LYST: variants seen among roughly 807,000 people sequenced by gnomAD.
The protein encoded by LYST is lysosomal-trafficking regulator.
A neutral mutation model predicts 413.6 loss-of-function variants in LYST; 192 were observed. The ratio of observed to expected loss-of-function variants is 0.46; its 90% CI spans 0.41 to 0.52. LYST has a LOEUF of 0.52. Among genes scored for constraint, LYST ranks in the 20% least tolerant of loss-of-function variants. The pLI is 0.00. For missense variants in LYST, 3,815 were observed against 4,499.9 expected (o/e 0.85, Z 4.35); for synonymous variants, 1,525 against 1,567.3 (o/e 0.97, Z 0.64).
At chr1:235,737,066 C>T (rs1025903090) in intron 31 of LYST, 1 of 152,100 alleles carries the variant, frequency 6.6e-6, no homozygotes, top group Non-Finnish European at 1.5e-5. Flanking sequence ...ACCTACCTAT[C>T]TAATTGGTTG....
At chr1:235,835,338 T>C (rs530422237) in intron 1 of LYST, among the ~76,000 whole-genome samples, 3 of 152,328 alleles carry the variant, frequency 2.0e-5, no homozygotes, top group Admixed American at 6.5e-5. Flanking sequence ...CTCTGACTAC[T>C]ACCACCCTCC....
At chr1:235,707,582 C>T (rs1433047330) in intron 44 of LYST, among the ~76,000 whole-genome samples, 1 of 151,978 alleles carries the variant, frequency 6.6e-6, no homozygotes, top group Admixed American at 6.6e-5. Context: ...GAGATCACGC[C>T]ACTGCACTCC....
rs1664660945 is a variant in LYST, at chr1:235,734,616, T to G, written c.8402A>C (p.Asn2801Thr). Residue 2801 changes from asparagine (N) to threonine (T), a missense_variant, in exon 32 of 53, where the codon AAT becomes ACT. Physicochemically the swap from Asn to Thr is moderately conservative, Grantham distance 65 (BLOSUM62 0). This residue lies in a region of LYST where 771 missense variants were observed against 837.1 expected (regional missense o/e 0.92). Transcript: ENST00000389793. ...TTCTTCAGTCAATTCACCTTGGTGA[T>G]TATGTATCAACTCTGACAAATACAA... is the stretch of plus-strand genomic sequence containing the variant. ...LVLYLSELIH[N>T]HQGELTEEEL... is the part of the protein sequence containing the mutation. 1 of 1,612,738 alleles carries G rather than the reference T, an allele frequency of 6.2e-7. No individual in the cohort carries two copies. Among genetic ancestry groups the G allele is most frequent in the African/African-American group, 1.3e-5 (1 of 74,916 alleles).
At chr1:235,867,315 A>G (rs1465462241), upstream of LYST, among the ~76,000 whole-genome samples, 1 of 152,184 alleles carries the variant, frequency 6.6e-6, no homozygotes, top group Non-Finnish European at 1.5e-5. Flanking sequence ...CATTCAACAC[A>G]GACTGTCAAC....
intron 10 of LYST, among the ~76,000 whole-genome samples, chr1:235,798,409 C>G (rs1288381698): frequency 6.6e-6 from 1 of 150,902 alleles, no homozygotes; most frequent in Non-Finnish European, 1.5e-5. Context: ...AATGGGGGAA[C>G]TCTTTATAAT....
chr1:235,709,996 T>TA (rs1662288844), intron 43 of LYST, among the ~76,000 whole-genome samples: 2 of 152,138 alleles, frequency 1.3e-5, no homozygotes, highest in South Asian at 4.1e-4. Context: ...AGTGTTTATT[T>TA]AAAAAAATTA....
intron 1 of LYST, among the ~76,000 whole-genome samples, chr1:235,847,188 A>G (rs989406604): frequency 6.6e-6 from 1 of 152,198 alleles, no homozygotes; most frequent in Non-Finnish European, 1.5e-5. Context: ...CTCAGCAGAA[A>G]CCCTATAAGC....
Position 235,715,200 on chromosome 1 carries a change from C to G in LYST, c.9784+1G>C. The G allele has an allele frequency of 6.2e-7, 1 of 1,613,612 alleles. No homozygotes were observed. Among genetic ancestry groups the G allele is most frequent in the Non-Finnish European group, 8.5e-7 (1 of 1,179,736 alleles). On this transcript the variant is annotated splice_donor_variant, in intron 42 of 52. Transcript: ENST00000389793. LOFTEE classifies it high-confidence loss of function. ...TTTTTAGGCAGTTATTAAATTCTTA[C>G]CTTGATAGGCTAAAAACATTTTAGT... is the stretch of plus-strand genomic sequence containing the variant.
At chr1:235,697,019 G>A (rs960157920) in intron 46 of LYST, 64 bp downstream of exon 46, 15 of 1,503,368 alleles carry the variant, frequency 1.0e-5, no homozygotes, top group Non-Finnish European at 1.4e-5. Flanking sequence ...GCACAGATGA[G>A]CTAGAAATAC....
intron 19 of LYST, among the ~76,000 whole-genome samples, chr1:235,772,707 C>T (rs1465160011): frequency 6.6e-6 from 1 of 152,142 alleles, no homozygotes; most frequent in Non-Finnish European, 1.5e-5. Context: ...AACTCCTGGC[C>T]AGCATGGCTC....
At chr1:235,738,716 C>T (rs879177545) in intron 31 of LYST, 139 of 1,570,532 alleles carry the variant, frequency 8.9e-5, no homozygotes, top group Middle Eastern at 3.4e-4. Flanking sequence ...AGAGTGCTTA[C>T]GAGGTGATCA....
intron 42 of LYST, chr1:235,712,587 T>A (rs1662482078): frequency 2.0e-6 from 2 of 982,396 alleles, no homozygotes; most frequent in Non-Finnish European, 2.4e-6. Flanking sequence ...AAGGAAGATT[T>A]AAGTTCAAGT....
chr1:235,782,341 T>C (rs1163828018), intron 14 of LYST, among the ~76,000 whole-genome samples: 4 of 151,962 alleles, frequency 2.6e-5, no homozygotes, highest in Admixed American at 1.3e-4. Context: ...GTTAATTTTT[T>C]GTATTTTTTT....
intron 13 of LYST, 29 bp from the exon 14 acceptor site, chr1:235,787,402 GA>G: frequency 6.3e-7 from 1 of 1,585,388 alleles, no homozygotes. Flanking sequence ...GGCATAGGCT[GA>G]AAACATGAAA....
At chr1:235,683,628 C>T (rs572521115) in intron 48 of LYST, among the ~76,000 whole-genome samples, 2 of 152,274 alleles carry the variant, frequency 1.3e-5, no homozygotes, top group Admixed American at 6.5e-5. Context: ...TCCTAAGATC[C>T]CCTTGAAAGT....
intron 2 of LYST, among the ~76,000 whole-genome samples, chr1:235,832,065 A>G (rs1340016973): frequency 6.6e-6 from 1 of 152,216 alleles, no homozygotes; most frequent in Non-Finnish European, 1.5e-5. Context: ...TTTTCCTTCA[A>G]AGCTACTAAC....
rs560663560 is a variant in LYST, at chr1:235,781,160, T to A, written c.5024-105A>T. 47 of 746,516 alleles carry A rather than the reference T, an allele frequency of 6.3e-5. No homozygotes were observed. The African/African-American group carries it at 7.7e-4, about 12-fold the overall frequency. The allele number at this position is 746,516 out of a possible 1,614,324, so 46.2% of individuals were successfully genotyped here. A position where few individuals can be genotyped will look rare whatever the true frequency, so the allele number is the denominator to read the frequency against. ...ATTTTTTGTAGCCAGATTCTTTCAG[T>A]TGTTCACTATATTTTATAAAATTGA... On this transcript the variant is annotated intron_variant, in intron 15 of 52. Transcript: ENST00000389793.
In LYST at chr1:235,792,085, T is replaced by C. The variant is rs1219638847; in HGVS notation, c.4157A>G (p.Asp1386Gly). ...LLGILKIIESDTTMSPSQYLT... is the reference protein window; with the variant it reads ...LLGILKIIESGTTMSPSQYLT... ...ATACTGTGAAGGGCTCATAGTAGTA[T>C]CACTTTCAATAATTTTCAGAATACC... is the stretch of plus-strand genomic sequence containing the variant. Residue 1386 changes from aspartate to glycine, a missense_variant, in exon 12 of 53, where the codon GAT (aspartate) becomes GGT (glycine). Asp to Gly is a moderately conservative substitution (Grantham distance 94, BLOSUM62 -1). Coordinates refer to ENST00000389793, the MANE Select transcript of LYST (RefSeq NM_000081.4). 2 of 1,612,808 alleles carry C rather than the reference T, an allele frequency of 1.2e-6. No individual in the cohort carries two copies. Among genetic ancestry groups the C allele is most frequent in the Admixed American group, 1.7e-5 (1 of 59,974 alleles).
chr1:235,719,737 G>A (rs372515103), intron 40 of LYST, among the ~76,000 whole-genome samples: 2 of 151,974 alleles, frequency 1.3e-5, no homozygotes, highest in African/African-American at 4.8e-5. Flanking sequence ...CCAGTCTCTA[G>A]GAAATACAGG....
Sources: gnomAD v4.1 joint callset for allele counts (sites outside exome capture counted in the v4.1 genomes callset) on GRCh38, gnomAD v4.1.1 for gene constraint, gnomAD v4.1.1 regional missense constraint, MANE v1.5 for transcripts, NCBI Gene and HGNC (gene_info 2026-07-23, HGNC 2026-07-21) for gene names.